Variants in RARB observed in about 807,000 individuals in gnomAD.
RARB encodes retinoic acid receptor beta.
A neutral mutation model predicts 51.9 loss-of-function variants in RARB; 17 were observed. The observed-to-expected ratio is 0.33, with a 90% CI of 0.22 to 0.49. The LOEUF is 0.49. Ranked by LOEUF, RARB falls within the 20% of genes least tolerant of loss-of-function variation. RARB has a pLI of 0.99. For missense variants in RARB, 369 were observed against 550.8 expected, an observed-to-expected ratio of 0.67 and a Z score of 3.30; for synonymous variants, 215 against 195.4, an observed-to-expected ratio of 1.10 and a Z score of -0.84.
intron 2 of RARB, among the ~76,000 whole-genome samples, chr3:24,917,537 G>A (rs1443373205): frequency 6.6e-6 from 1 of 152,174 alleles, no homozygotes; most frequent in African/African-American, 2.4e-5. Context: ...TATGCTCAAT[G>A]TCATTAGTCT....
intron 3 of RARB, among the ~76,000 whole-genome samples, chr3:25,103,030 C>G (rs1699433857): frequency 6.6e-6 from 1 of 152,126 alleles, no homozygotes; most frequent in Non-Finnish European, 1.5e-5. Flanking sequence ...AACTGCTAGA[C>G]TAGAGAAGAG....
At chr3:24,893,495 A>G (rs1158579289) in intron 2 of RARB, among the ~76,000 whole-genome samples, 2 of 152,220 alleles carry the variant, frequency 1.3e-5, no homozygotes, top group African/African-American at 2.4e-5. Context: ...CGCTGATGAC[A>G]TAAAAATGCC....
At chr3:25,538,597 T>C (rs1699240871) in intron 3 of RARB, among the ~76,000 whole-genome samples, 1 of 152,212 alleles carries the variant, frequency 6.6e-6, no homozygotes, top group African/African-American at 2.4e-5. Context: ...ATTTAGAAAC[T>C]TCAGCAACTT....
intron 4 of RARB, among the ~76,000 whole-genome samples, chr3:25,164,816 C>G (rs1202522924): frequency 6.6e-6 from 1 of 152,146 alleles, no homozygotes. Flanking sequence ...GTTTTTAACT[C>G]TCTATCTTAA....
chr3:25,497,058 A>G (rs1477650720), intron 2 of RARB, among the ~76,000 whole-genome samples: 1 of 152,040 alleles, frequency 6.6e-6, no homozygotes, highest in African/African-American at 2.4e-5. Context: ...CTAATTTTGT[A>G]TTTTTAGTAG....
intron 2 of RARB, among the ~76,000 whole-genome samples, chr3:25,052,567 G>A (rs1698353461): frequency 6.6e-6 from 1 of 152,058 alleles, no homozygotes; most frequent in African/African-American, 2.4e-5. Flanking sequence ...AACTAAAATA[G>A]GGTAGGAAAT....
intron 2 of RARB, among the ~76,000 whole-genome samples, chr3:24,940,041 G>A (rs540860956): frequency 6.6e-6 from 1 of 152,280 alleles, no homozygotes; most frequent in Admixed American, 6.5e-5. Flanking sequence ...TTATGTAAAT[G>A]GGCTCTGGGG....
chr3:25,223,286 C>G (rs1287415105), intron 5 of RARB, among the ~76,000 whole-genome samples: 4 of 152,026 alleles, frequency 2.6e-5, no homozygotes, highest in African/African-American at 9.7e-5. Context: ...CATATGGCAT[C>G]TGTGTTGTTG....
In RARB at chr3:24,848,585, C is replaced by T. The variant is rs149258869; in HGVS notation, c.-458-10089C>T. 2.5e-4 allele frequency among the ~76,000 whole-genome samples: 38 copies of T among 152,320 alleles called. No individual in the cohort carries two copies. In the East Asian group the frequency reaches 7.1e-3, roughly 29 times the overall value. ...TTATCATTTTTGGCCTTTTCTCTGC[C>T]TCACGAAGGGTACCTCTGTCCTTCA... On this transcript the variant is annotated intron_variant, in intron 1 of 11. Transcript: ENST00000383772.
chr3:24,982,491 G>T (rs1696699811), intron 2 of RARB, among the ~76,000 whole-genome samples: 1 of 152,048 alleles, frequency 6.6e-6, no homozygotes. Flanking sequence ...TCTCCAAGTG[G>T]AGTAGAATGG....
At chr3:24,877,667 T>G (rs1703074163) in intron 2 of RARB, among the ~76,000 whole-genome samples, 3 of 152,250 alleles carry the variant, frequency 2.0e-5, no homozygotes, top group South Asian at 4.2e-4. Flanking sequence ...AAGTCTGATC[T>G]TCCACTGATC....
At chr3:24,935,593 T>C (rs1016762205) in intron 2 of RARB, among the ~76,000 whole-genome samples, 4 of 152,148 alleles carry the variant, frequency 2.6e-5, no homozygotes, top group Non-Finnish European at 5.9e-5. Flanking sequence ...TAGGCAAATA[T>C]TGGAAGACTA....
At chr3:24,830,227 G>A (rs1240441906) in intron 1 of RARB, among the ~76,000 whole-genome samples, 6 of 151,796 alleles carry the variant, frequency 4.0e-5, no homozygotes, top group Non-Finnish European at 7.4e-5. Flanking sequence ...AAACAGAGAA[G>A]AGAGAGGTAC....
chr3:25,025,536 A>ACT (rs1697728382), intron 2 of RARB, among the ~76,000 whole-genome samples: 1 of 152,180 alleles, frequency 6.6e-6, no homozygotes, highest in African/African-American at 2.4e-5. Flanking sequence ...TAGAAAGTTA[A>ACT]AGTAGAAACT....
Position 25,266,870 on chromosome 3 carries a change from C to T in RARB, c.178+92295C>T, listed in dbSNP as rs1015019975. On this transcript the variant is annotated intron_variant, in intron 5 of 11. Transcript: ENST00000383772. The stretch of plus-strand genomic sequence containing the variant: ...ACCAGAATCTGACCATGCTGGTCTC[C>T]GATTGCAGAATTCTAGCCTCCTGAA... Among the ~76,000 whole-genome samples the T allele has an allele frequency of 3.9e-5, 6 of 152,294 alleles. No homozygotes were observed. The East Asian group carries it at 5.8e-4, about 15-fold the overall frequency.
intron 1 of RARB, among the ~76,000 whole-genome samples, chr3:24,844,118 AGAAGGGCCT>A (rs1702456230): frequency 6.6e-6 from 1 of 152,198 alleles, no homozygotes; most frequent in Non-Finnish European, 1.5e-5. Flanking sequence ...CGGCAGCCCT[AGAAGGGCCT>A]GGAGGGAGAT....
At chr3:25,550,329 A>C (rs1157825013) in intron 3 of RARB, among the ~76,000 whole-genome samples, 1 of 152,144 alleles carries the variant, frequency 6.6e-6, no homozygotes, top group Non-Finnish European at 1.5e-5. Flanking sequence ...AAAATACCAT[A>C]GACTAGGTGG....
At chr3:25,054,445 A>G (rs1698397806) in intron 2 of RARB, among the ~76,000 whole-genome samples, 1 of 152,168 alleles carries the variant, frequency 6.6e-6, no homozygotes, top group South Asian at 2.1e-4. Context: ...CTACCTGGGG[A>G]GGTCCGCAGG....
At chr3:25,458,069 C>G (rs192497447) in intron 1 of RARB, among the ~76,000 whole-genome samples, 3 of 152,288 alleles carry the variant, frequency 2.0e-5, no homozygotes, top group East Asian at 3.9e-4. Flanking sequence ...CACAACCTTT[C>G]TAGAAGTCAG....
Sources: gnomAD v4.1 joint callset for allele counts (sites outside exome capture counted in the v4.1 genomes callset) on GRCh38, gnomAD v4.1.1 for gene constraint, MANE v1.5 for transcripts, NCBI Gene and HGNC (gene_info 2026-07-23, HGNC 2026-07-21) for gene names.